The following ZNF559 variants were observed in gnomAD, a reference collection of about 807,000 sequenced individuals.
ZNF559 encodes the protein zinc finger protein 559.
ZNF559 carries 17 observed loss-of-function variants against 14.2 expected under a neutral mutation model. The observed-to-expected ratio is 1.20, with a 90% CI of 0.82 to 1.80. The LOEUF (loss-of-function observed/expected upper bound fraction) is 1.80. Among genes scored for constraint, ZNF559 ranks in the 40% most tolerant of loss-of-function variants. The pLI is 0.00. For synonymous variants in ZNF559, 244 were observed against 212.4 expected (o/e 1.15, Z -1.29); for missense variants, 740 against 629.7 (o/e 1.18, Z -1.88).
intron 2 of ZNF559, among the ~76,000 whole-genome samples, chr19:9,336,263 AT>A (rs1342393528): frequency 3.3e-5 from 5 of 152,050 alleles, no homozygotes; most frequent in Non-Finnish European, 5.9e-5. Flanking sequence ...CCATTCATCT[AT>A]TTTTTTCCAT....
chr19:9,325,901 C>T (rs1359701994), intron 2 of ZNF559, among the ~76,000 whole-genome samples: 2 of 151,732 alleles, frequency 1.3e-5, no homozygotes, highest in African/African-American at 4.8e-5. Flanking sequence ...AGTGAATGAA[C>T]TTTCCCCTTT....
intron 1 of ZNF559, 141 bp downstream of exon 1, chr19:9,324,369 C>G: frequency 6.7e-7 from 1 of 1,483,778 alleles, no homozygotes; most frequent in Non-Finnish European, 8.9e-7. Context: ...GTGGGCTCTC[C>G]CAAGTCGCGG....
At position 9,342,520 on chromosome 19, in the gene ZNF559, G is replaced by C; in HGVS notation, c.1069G>C (p.Glu357Gln). ...TGGAGAAAAGCCTTATGAATGTAAG[G>C]AATGTGGGAAAGCTTTTGCTAACTC... ...HTGEKPYECK[E>Q]CGKAFANSSH... Residue 357 changes from glutamate to glutamine, a missense_variant, in exon 7 of 7, where the codon GAA becomes CAA. By Grantham distance (29) the Glu-to-Gln change is conservative (BLOSUM62 2). Transcript: ENST00000603380. The C allele has an allele frequency of 6.2e-7, 1 of 1,614,134 alleles. No individual in the cohort carries two copies. The highest frequency in any genetic ancestry group is 8.5e-7 in the Non-Finnish European group (1 of 1,180,020).
intron 3 of ZNF559, 76 bp downstream of exon 3, chr19:9,337,934 T>C (rs1205112082): frequency 6.5e-7 from 1 of 1,535,798 alleles, no homozygotes; most frequent in African/African-American, 1.4e-5. Context: ...AGACAGTGTC[T>C]CGAAGAGACT....
Position 9,341,081 on chromosome 19 carries a change from AT to A in ZNF559, c.161-14del. On this transcript the variant is annotated intron_variant, in intron 5 of 6. Transcript: ENST00000603380. ...ATCATTATTTCTCTAAGAACTTAAA[AT>A]TTTTTTCATCTTATTTCAGATTGGG... The A allele has an allele frequency of 6.3e-7, 1 of 1,580,374 alleles. No homozygotes were observed. The highest frequency in any genetic ancestry group is 2.0e-5 in the Admixed American group (1 of 51,242).
intron 2 of ZNF559, among the ~76,000 whole-genome samples, chr19:9,329,892 A>G (rs1187022090): frequency 6.6e-6 from 1 of 152,118 alleles, no homozygotes; most frequent in East Asian, 1.9e-4. Context: ...TCGAACTCCT[A>G]ACCTTGGCAT....
intron 2 of ZNF559, among the ~76,000 whole-genome samples, chr19:9,332,341 A>ATG (rs2066980316): frequency 8.5e-6 from 1 of 117,518 alleles, no homozygotes; most frequent in South Asian, 3.0e-4. Flanking sequence ...AGGTATACAT[A>ATG]TGTATGTGTG....
At chr19:9,336,450 G>A (rs1054604980) in intron 2 of ZNF559, among the ~76,000 whole-genome samples, 6 of 152,108 alleles carry the variant, frequency 3.9e-5, no homozygotes, top group Non-Finnish European at 8.8e-5. Flanking sequence ...AATTAGCTGG[G>A]GTTGGTGGTG....
chr19:9,328,157 ACT>A (rs2066730581), intron 2 of ZNF559, among the ~76,000 whole-genome samples: 1 of 152,036 alleles, frequency 6.6e-6, no homozygotes, highest in Non-Finnish European at 1.5e-5. Flanking sequence ...TCCTAATGAC[ACT>A]GATATATTAT....
intron 2 of ZNF559, among the ~76,000 whole-genome samples, chr19:9,332,594 T>C (rs1420246204): frequency 6.6e-6 from 1 of 152,154 alleles, no homozygotes; most frequent in Non-Finnish European, 1.5e-5. Context: ...TGGTCTAATA[T>C]TAGGTGAAGG....
chr19:9,325,812 C>T (rs1197436036), intron 2 of ZNF559, among the ~76,000 whole-genome samples: 1 of 151,740 alleles, frequency 6.6e-6, no homozygotes, highest in East Asian at 1.9e-4. Context: ...AGTCTTTAAC[C>T]CTTAACTACA....
intron 2 of ZNF559, among the ~76,000 whole-genome samples, chr19:9,331,609 A>G (rs1271620772): frequency 1.3e-5 from 2 of 152,206 alleles, no homozygotes; most frequent in Non-Finnish European, 2.9e-5. Context: ...AGTCAGCACA[A>G]CTGAGCTGAG....
chr19:9,326,137 G>A (rs533038025), intron 2 of ZNF559, among the ~76,000 whole-genome samples: 29 of 118,014 alleles, frequency 2.5e-4, no homozygotes, highest in African/African-American at 5.5e-4. Flanking sequence ...TTTTTGAGAC[G>A]GAGTCTGTCT....
intron 2 of ZNF559, among the ~76,000 whole-genome samples, chr19:9,330,905 G>A (rs943467970): frequency 6.6e-6 from 1 of 152,222 alleles, no homozygotes; most frequent in Admixed American, 6.5e-5. Flanking sequence ...CACTGAAGTA[G>A]TAGGTATTTC....
chr19:9,327,613 T>A (rs1373721838), intron 2 of ZNF559, among the ~76,000 whole-genome samples: 1 of 152,198 alleles, frequency 6.6e-6, no homozygotes. Flanking sequence ...ATTGAGAGGT[T>A]AACAGTTTTT....
intron 2 of ZNF559, among the ~76,000 whole-genome samples, chr19:9,332,529 A>G (rs2066995035): frequency 6.6e-6 from 1 of 152,116 alleles, no homozygotes; most frequent in Non-Finnish European, 1.5e-5. Context: ...CTCGGTCATC[A>G]GGGAGGCTAC....
chr19:9,341,073 A>G, intron 5 of ZNF559, 29 bp from the exon 6 acceptor site: 6 of 1,548,196 alleles, frequency 3.9e-6, no homozygotes, highest in Non-Finnish European at 5.3e-6. Flanking sequence ...TTTCTCTAAG[A>G]ACTTAAAATT....
chr19:9,338,854 G>T (rs1877360507), intron 4 of ZNF559, among the ~76,000 whole-genome samples: 1 of 152,192 alleles, frequency 6.6e-6, no homozygotes, highest in Non-Finnish European at 1.5e-5. Context: ...GAATGCACAT[G>T]TGCTTCTCGG....
At chr19:9,339,671 G>A (rs1335676804) in intron 5 of ZNF559, among the ~76,000 whole-genome samples, 1 of 120,328 alleles carries the variant, frequency 8.3e-6, no homozygotes, top group African/African-American at 3.1e-5. Flanking sequence ...ACATTGTGTT[G>A]TAATTTAAGT....
Sources: gnomAD v4.1 joint callset for allele counts (sites outside exome capture counted in the v4.1 genomes callset) on GRCh38, gnomAD v4.1.1 for gene constraint, MANE v1.5 for transcripts, NCBI Gene and HGNC (gene_info 2026-07-23, HGNC 2026-07-21) for gene names.